KLF15: variants seen among roughly 807,000 people sequenced by gnomAD.
KLF15 encodes the protein KLF transcription factor 15.
A neutral mutation model predicts 24.6 loss-of-function variants in KLF15; 4 were observed. That is an observed-to-expected ratio of 0.16 (90% confidence interval 0.08 to 0.37). The LOEUF (loss-of-function observed/expected upper bound fraction) is 0.37. Ranked by LOEUF, KLF15 falls within the 10% of genes least tolerant of loss-of-function variation. The pLI, the probability that KLF15 is intolerant of heterozygous loss-of-function variation, is 1.00. For synonymous variants in KLF15, 246 were observed against 236.3 expected (o/e 1.04, Z -0.37); for missense variants, 496 against 560.6 (o/e 0.88, Z 1.16).
At chr3:126,298,652 G>A in the KLF15 span, among the ~76,000 whole-genome samples, 1 of 152,114 alleles carries the variant, frequency 6.6e-6, no homozygotes, top group Non-Finnish European at 1.5e-5. Flanking sequence ...TGTATAAGGT[G>A]AGATATGAGG....
At chr3:126,351,757 T>C (rs2082583873) in intron 2 of KLF15, 84 bp downstream of exon 2, 1 of 942,098 alleles carries the variant, frequency 1.1e-6, no homozygotes, top group African/African-American at 1.8e-5. Flanking sequence ...CTGTTAATGG[T>C]GGAAAATGGC....
At chr3:126,323,189 G>T in the KLF15 span, among the ~76,000 whole-genome samples, 13 of 150,116 alleles carry the variant, frequency 8.7e-5, no homozygotes, top group South Asian at 2.7e-3. Flanking sequence ...AAGACTTATT[G>T]TTAGCATTTC....
At chr3:126,313,867 T>C in the KLF15 span, among the ~76,000 whole-genome samples, 1 of 152,220 alleles carries the variant, frequency 6.6e-6, no homozygotes, top group Admixed American at 6.5e-5. Context: ...TAAAGTCATC[T>C]AGGGATGTCT....
the KLF15 span, among the ~76,000 whole-genome samples, chr3:126,315,033 C>T: frequency 2.0e-5 from 3 of 152,140 alleles, no homozygotes; most frequent in African/African-American, 7.2e-5. Context: ...TCTGAGATAG[C>T]GTCTGTTCCA....
the KLF15 span, among the ~76,000 whole-genome samples, chr3:126,319,462 G>T: frequency 2.0e-5 from 3 of 152,178 alleles, no homozygotes; most frequent in African/African-American, 7.2e-5. Flanking sequence ...CAGTGTTTTG[G>T]GTTTGGCTAT....
chr3:126,309,293 C>G, the KLF15 span, among the ~76,000 whole-genome samples: 1 of 152,224 alleles, frequency 6.6e-6, no homozygotes, highest in Non-Finnish European at 1.5e-5. Flanking sequence ...GCGCTCTGGC[C>G]GGCGAAGCCA....
the KLF15 span, chr3:126,294,044 T>A: frequency 6.6e-6 from 1 of 152,354 alleles, no homozygotes; most frequent in African/African-American, 2.4e-5. Context: ...GCCGGCTTTT[T>A]AAGAGGATGG....
At chr3:126,300,080 C>A in the KLF15 span, among the ~76,000 whole-genome samples, 5 of 152,272 alleles carry the variant, frequency 3.3e-5, no homozygotes, top group East Asian at 7.7e-4. Context: ...AGGAGCTCCA[C>A]AGGGGGGTGA....
At chr3:126,357,136 A>T (rs2082640236) in intron 1 of KLF15, 101 bp downstream of exon 1, 2 of 150,232 alleles carry the variant, frequency 1.3e-5, no homozygotes, top group South Asian at 4.2e-4. Flanking sequence ...TGCCTCCGAG[A>T]GCTGCGCGGG....
chr3:126,301,553 T>C, the KLF15 span, among the ~76,000 whole-genome samples: 1 of 152,094 alleles, frequency 6.6e-6, no homozygotes, highest in Non-Finnish European at 1.5e-5. Context: ...CTGTTTTCTA[T>C]TTCACTTATT....
the KLF15 span, among the ~76,000 whole-genome samples, chr3:126,324,966 G>C: frequency 1.2e-4 from 10 of 85,768 alleles, no homozygotes; most frequent in African/African-American, 3.9e-4. Flanking sequence ...CCCCTCCCCC[G>C]ACCCCACCAT....
rs149774206 is a variant in KLF15, at chr3:126,356,040, C to T, written c.-26+1197G>A. Among the ~76,000 whole-genome samples the T allele has an allele frequency of 2.4e-3, 370 of 152,340 alleles. No homozygotes were observed. Among genetic ancestry groups the T allele is most frequent in the African/African-American group, 8.7e-3 (362 of 41,596 alleles). On this transcript the variant is annotated intron_variant, in intron 1 of 2. Coordinates refer to ENST00000296233, the MANE Select transcript of KLF15 (RefSeq NM_014079.4). The surrounding 1 kb of genome is among the most constrained non-coding windows in gnomAD (Gnocchi z 4.4). ...CGCCGGACTCCGCCCCCTCCCCTGG[C>T]CCGGCCAGGCCTGCTGTTTATCCTC...
chr3:126,308,954 G>A, the KLF15 span, among the ~76,000 whole-genome samples: 4 of 152,190 alleles, frequency 2.6e-5, no homozygotes, highest in Non-Finnish European at 4.4e-5. Flanking sequence ...GCTGGCCCAG[G>A]GTGAGGGCGG....
chr3:126,314,932 A>T, the KLF15 span, among the ~76,000 whole-genome samples: 1 of 152,196 alleles, frequency 6.6e-6, no homozygotes, highest in Non-Finnish European at 1.5e-5. Flanking sequence ...GGGCTGCCAG[A>T]GCACTACACA....
At position 126,343,585 on chromosome 3, in the gene KLF15, T is replaced by C. The variant is rs990996690; in HGVS notation, c.*142A>G. ...GAGAAAGGCAGCGGTTGGCGGGCCC[T>C]GGGTTCACACCTCCCAGGCTTCAGA... On this transcript the variant is annotated 3_prime_UTR_variant, in exon 3 of 3. Transcript: ENST00000296233. The C allele has an allele frequency of 1.3e-4, 106 of 834,766 alleles. 3 individuals carry two copies. In the Admixed American group the frequency reaches 3.0e-3, roughly 24 times the overall value. 51.7% of individuals were successfully genotyped at this position (834,766 alleles called of 1,614,324 possible).
the KLF15 span, chr3:126,291,196 C>G: frequency 6.6e-6 from 1 of 152,240 alleles, no homozygotes; most frequent in Non-Finnish European, 1.5e-5. Flanking sequence ...AACCTACTTA[C>G]AAGGAAATGA....
downstream of KLF15, among the ~76,000 whole-genome samples, chr3:126,341,643 C>A (rs11711221): frequency 6.6e-6 from 1 of 152,112 alleles, no homozygotes; most frequent in African/African-American, 2.4e-5. Context: ...GTGTGCTGGG[C>A]GGCTGGTGAG....
At chr3:126,292,482 T>C in the KLF15 span, among the ~76,000 whole-genome samples, 1 of 152,178 alleles carries the variant, frequency 6.6e-6, no homozygotes, top group African/African-American at 2.4e-5. Context: ...TTAAGGAGTG[T>C]CTATTGAACA....
the KLF15 span, among the ~76,000 whole-genome samples, chr3:126,324,806 C>CTTTT: frequency 5.5e-4 from 33 of 59,574 alleles, no homozygotes; most frequent in African/African-American, 1.9e-3. Context: ...TTTTTTCGCT[C>CTTTT]TTTTTTTTTT....
Sources: allele counts gnomAD v4.1 joint callset (sites outside exome capture counted in the v4.1 genomes callset), GRCh38; gene constraint gnomAD v4.1.1; non-coding constraint Gnocchi (gnomAD v3.1); transcripts MANE v1.5; gene names NCBI Gene and HGNC (gene_info 2026-07-23, HGNC 2026-07-21).